MAPKBP1: variants seen among roughly 807,000 people sequenced by gnomAD.
The protein encoded by MAPKBP1 is mitogen-activated protein kinase binding protein 1.
MAPKBP1 carries 71 observed loss-of-function variants against 170.5 expected under a neutral mutation model. The ratio of observed to expected loss-of-function variants is 0.42; its 90% CI spans 0.34 to 0.51. The LOEUF (loss-of-function observed/expected upper bound fraction) is 0.51, where lower values mean the gene tolerates loss of function less well. Among genes scored for constraint, MAPKBP1 ranks in the 20% least tolerant of loss-of-function variants. The pLI, the probability that MAPKBP1 is intolerant of heterozygous loss-of-function variation, is 0.06. For missense variants in MAPKBP1, 1,598 were observed against 1,933.0 expected (o/e 0.83, Z 3.25); for synonymous variants, 719 against 757.9 (o/e 0.95, Z 0.84).
At chr15:41,786,239 T>G (rs764977840) in intron 2 of MAPKBP1, among the ~76,000 whole-genome samples, 2 of 152,174 alleles carry the variant, frequency 1.3e-5, no homozygotes, top group Non-Finnish European at 1.5e-5. Context: ...ATTGGTTATC[T>G]CAGGGAGGGA....
chr15:41,821,501 C>T, intron 23 of MAPKBP1, 83 bp from the exon 24 acceptor site: 1 of 1,340,658 alleles, frequency 7.5e-7, no homozygotes, highest in South Asian at 1.3e-5. Flanking sequence ...GGTTGGCCCC[C>T]AGGATACTCA....
Position 41,818,196 on chromosome 15 carries a change from G to T in MAPKBP1, c.1983G>T (p.Val661=). ...SQGEDGTLIK[V]QTDPSGIYIA... is the part of the protein sequence containing the mutation. Reference sequence around the variant, plus strand: ...CTGCACACCCTGCTACTCCTCAGGTGCAGACAGACCCCTCAGGGATCTACA... The same window carrying T: ...CTGCACACCCTGCTACTCCTCAGGTTCAGACAGACCCCTCAGGGATCTACA... The change falls in exon 18 of 31, where the codon GTG becomes GTT. Residue 661 remains valine (V), a splice_region_variant and synonymous_variant. Coordinates refer to ENST00000457542, the MANE Select transcript of MAPKBP1 (RefSeq NM_014994.3). This position sits in a 1 kb window ranked among gnomAD's most constrained non-coding sequence, Gnocchi z 5.2. 6.2e-7 allele frequency: 1 copy of T among 1,613,328 alleles called. No individual in the cohort carries two copies. Among genetic ancestry groups the T allele is most frequent in the Non-Finnish European group, 8.5e-7 (1 of 1,179,292 alleles).
Position 41,822,109 on chromosome 15 carries a change from A to C in MAPKBP1, c.3030A>C (p.Glu1010Asp). ...SCLSSPEHPT[E>D]DSESTEPLSV... ...TTTCCAGCCCGGAGCACCCCACTGA[A>C]GGTGAGGCTGTAGCCTGGAGGGAGG... The change falls in exon 25 of 31, where the codon GAA becomes GAC. Residue 1010 changes from glutamate to aspartate, a missense_variant and splice_region_variant. By Grantham distance (45) the Glu-to-Asp change is conservative. Transcript: ENST00000457542. The C allele has an allele frequency of 7.2e-7, 1 of 1,384,476 alleles. No homozygotes were observed. The highest frequency in any genetic ancestry group is 4.0e-5 in the East Asian group (1 of 25,138). The allele number at this position is 1,384,476 out of a possible 1,614,324, so 85.8% of individuals were successfully genotyped here. A position where few individuals can be genotyped will look rare whatever the true frequency, so the allele number is the denominator to read the frequency against.
At chr15:41,785,935 A>C (rs1471885374) in intron 2 of MAPKBP1, among the ~76,000 whole-genome samples, 1 of 152,220 alleles carries the variant, frequency 6.6e-6, no homozygotes, top group Admixed American at 6.5e-5. Context: ...AGGTGTATCT[A>C]ATTGAATTTT....
chr15:41,816,809 G>A, intron 13 of MAPKBP1, 101 bp from the exon 14 acceptor site: 1 of 1,524,892 alleles, frequency 6.6e-7, no homozygotes, highest in Non-Finnish European at 8.9e-7. Flanking sequence ...TGGTTCACAT[G>A]GCTTGGGGAT....
intron 1 of MAPKBP1, chr15:41,774,858 C>T (rs1464861283): frequency 7.2e-6 from 3 of 416,584 alleles, no homozygotes; most frequent in Non-Finnish European, 1.3e-5. Flanking sequence ...CTCCCTTGGA[C>T]ACTACAGTTG....
chr15:41,787,023 C>G (rs921397568), intron 2 of MAPKBP1, among the ~76,000 whole-genome samples: 10 of 150,910 alleles, frequency 6.6e-5, no homozygotes, highest in Admixed American at 3.3e-4. Context: ...CTCAGCCTCC[C>G]GAGTAGCTGG....
rs1393354063 is a variant in MAPKBP1, at chr15:41,774,565, T to C, written c.-155T>C. 5.3e-5 allele frequency: 21 copies of C among 398,696 alleles called. No homozygotes were observed. The East Asian group carries it at 7.5e-4, about 14-fold the overall frequency. 24.7% of individuals were successfully genotyped at this position (398,696 alleles called of 1,614,324 possible). Reference sequence around the variant, plus strand: ...GCGGAGCTGAAATTGCCGAACGCGATGCCCGAGGGCGCTGTGAGCGGGGTG... The same window carrying C: ...GCGGAGCTGAAATTGCCGAACGCGACGCCCGAGGGCGCTGTGAGCGGGGTG... On this transcript the variant is annotated 5_prime_UTR_variant, in exon 1 of 31. The change abolishes an upstream ATG in the 5' untranslated region. Coordinates refer to ENST00000457542, the MANE Select transcript of MAPKBP1 (RefSeq NM_014994.3).
chr15:41,798,892 G>T (rs1264295534), intron 2 of MAPKBP1, among the ~76,000 whole-genome samples: 1 of 152,224 alleles, frequency 6.6e-6, no homozygotes, highest in East Asian at 1.9e-4. Context: ...CAGAGCCAGT[G>T]CAGGGAGTGC....
chr15:41,792,731 G>A (rs550145856), intron 2 of MAPKBP1, among the ~76,000 whole-genome samples: 1 of 152,236 alleles, frequency 6.6e-6, no homozygotes, highest in Non-Finnish European at 1.5e-5. Flanking sequence ...TTTGGGCCTT[G>A]AAGGTTTGGA....
At position 41,812,074 on chromosome 15, in the gene MAPKBP1, A is replaced by G. The variant is rs1451690194; in HGVS notation, c.445A>G (p.Ile149Val). 3 of 1,613,568 alleles carry G rather than the reference A, an allele frequency of 1.9e-6. No individual in the cohort carries two copies. Among genetic ancestry groups the G allele is most frequent in the Non-Finnish European group, 2.5e-6 (3 of 1,179,926 alleles). Residue 149 changes from isoleucine to valine, a missense_variant, in exon 6 of 31, where the codon ATT becomes GTT. Around this residue, in one of 6 missense-constraint regions of MAPKBP1, gnomAD observed 151 missense variants for 191.4 expected, o/e 0.79. Transcript: ENST00000457542. ...GGCCTTCTCTCCTAGCGCCAAGTACATTGTCTCTGTGGGCTACCAGCATGA... is the reference window on the plus strand; with the variant it reads ...GGCCTTCTCTCCTAGCGCCAAGTACGTTGTCTCTGTGGGCTACCAGCATGA... Reference protein sequence around the residue: ...CVAFSPSAKYIVSVGYQHDMI... With the variant: ...CVAFSPSAKYVVSVGYQHDMI...
chr15:41,814,882 G>A, intron 10 of MAPKBP1, 143 bp downstream of exon 10: 4 of 1,084,412 alleles, frequency 3.7e-6, no homozygotes, highest in South Asian at 1.5e-5. Flanking sequence ...GATAGATCCT[G>A]GGGACTGAGT....
At chr15:41,793,824 T>C (rs1031938876) in intron 2 of MAPKBP1, among the ~76,000 whole-genome samples, 5 of 152,258 alleles carry the variant, frequency 3.3e-5, no homozygotes, top group African/African-American at 1.2e-4. Context: ...CATCGCCTGC[T>C]GCCGTGCTTA....
intron 2 of MAPKBP1, among the ~76,000 whole-genome samples, chr15:41,786,547 A>C (rs539456027): frequency 6.6e-6 from 1 of 151,510 alleles, no homozygotes; most frequent in Non-Finnish European, 1.5e-5. Flanking sequence ...GGCGGATCAC[A>C]AGGTCAGGAG....
intron 2 of MAPKBP1, among the ~76,000 whole-genome samples, chr15:41,783,375 T>C (rs975945051): frequency 2.6e-5 from 4 of 152,200 alleles, no homozygotes; most frequent in Non-Finnish European, 1.5e-5. Context: ...AAATGTCCCA[T>C]GTCCAGGCTG....
In MAPKBP1 at chr15:41,822,100, C is replaced by T. The variant is rs754727637; in HGVS notation, c.3021C>T (p.His1007=). ...YSSSCLSSPE[H]PTEDSESTEP... ...GCAGCTGCCTTTCCAGCCCGGAGCA[C>T]CCCACTGAAGGTGAGGCTGTAGCCT... The change falls in exon 25 of 31, where the codon CAC becomes CAT. Residue 1007 remains histidine (H), a synonymous_variant. Transcript: ENST00000457542. 3.7e-5 allele frequency: 60 copies of T among 1,606,128 alleles called. No individual in the cohort carries two copies. Among genetic ancestry groups the T allele is most frequent in the Middle Eastern group, 3.3e-4 (2 of 5,986 alleles).
chr15:41,814,447 C>A, intron 9 of MAPKBP1, 103 bp from the exon 10 acceptor site: 1 of 1,145,248 alleles, frequency 8.7e-7, no homozygotes, highest in African/African-American at 1.6e-5. Context: ...TCCAAACCTG[C>A]AGGTCCAGGG....
Position 41,818,712 on chromosome 15 carries a change from C to A in MAPKBP1, c.2157-111C>A. 6.5e-7 allele frequency: 1 copy of A among 1,533,450 alleles called. No individual in the cohort carries two copies. The highest frequency in any genetic ancestry group is 8.9e-7 in the Non-Finnish European group (1 of 1,125,432). The allele number at this position is 1,533,450 out of a possible 1,614,324, so 95.0% of individuals were successfully genotyped here. On this transcript the variant is annotated intron_variant, in intron 19 of 30. Transcript: ENST00000457542. This position sits in a 1 kb window ranked among gnomAD's most constrained non-coding sequence, Gnocchi z 5.2. ...AGGGATAGCTTTTGGCTGTGCTTGA[C>A]CTGAAGTGGAGGGTGGCTCTGGTCT...
Position 41,818,074 on chromosome 15 carries a change from C to A in MAPKBP1, c.1970C>A (p.Thr657Lys). The change falls in exon 17 of 31, where the codon ACA (threonine) becomes AAA (lysine). Residue 657 changes from threonine to lysine, a missense_variant. Around this residue, in one of 6 missense-constraint regions of MAPKBP1, gnomAD observed 430 missense variants for 617.2 expected, o/e 0.70. Coordinates refer to ENST00000457542, the MANE Select transcript of MAPKBP1 (RefSeq NM_014994.3). This position sits in a 1 kb window ranked among gnomAD's most constrained non-coding sequence, Gnocchi z 5.2. Reference protein sequence around the residue: ...LFKGSQGEDGTLIKVQTDPSG... With the variant: ...LFKGSQGEDGKLIKVQTDPSG... ...AAAGGGTCACAGGGTGAGGACGGCA[C>A]ACTCATTAAGGTAAGGACCCAGAGG... 1 of 1,614,058 alleles carries A rather than the reference C, an allele frequency of 6.2e-7. No individual in the cohort carries two copies. The highest frequency in any genetic ancestry group is 8.5e-7 in the Non-Finnish European group (1 of 1,179,980).
Sources: allele counts gnomAD v4.1 joint callset (sites outside exome capture counted in the v4.1 genomes callset), GRCh38; gene constraint gnomAD v4.1.1; regional missense constraint gnomAD v4.1.1; non-coding constraint Gnocchi (gnomAD v3.1); transcripts MANE v1.5; gene names NCBI Gene and HGNC (gene_info 2026-07-23, HGNC 2026-07-21).